Variants in LIG1 observed in about 807,000 individuals in gnomAD.
The protein encoded by LIG1 is DNA ligase 1.
A neutral mutation model predicts 115.7 loss-of-function variants in LIG1; 70 were observed. The ratio of observed to expected loss-of-function variants is 0.60; its 90% CI spans 0.50 to 0.74. The LOEUF (loss-of-function observed/expected upper bound fraction) is 0.74, where lower values mean the gene tolerates loss of function less well. LIG1 is among the 30% of genes least tolerant of loss of function. The pLI is 0.00. For synonymous variants in LIG1, 487 were observed against 495.3 expected, an observed-to-expected ratio of 0.98 and a Z score of 0.22; for missense variants, 1,115 against 1,225.6, an observed-to-expected ratio of 0.91 and a Z score of 1.35.
intron 22 of LIG1, 42 bp downstream of exon 22, chr19:48,123,132 C>T (rs3731009): frequency 0.012 from 19,864 of 1,613,776 alleles, 208 homozygotes; most frequent in Middle Eastern, 0.051. Flanking sequence ...CCGGGGTCAG[C>T]GCAAGCTGCA....
In LIG1 at chr19:48,154,757, C is replaced by T. The variant is rs992331679; in HGVS notation, c.371-790G>A. On this transcript the variant is annotated intron_variant, in intron 5 of 27. Coordinates refer to ENST00000263274, the MANE Select transcript of LIG1 (RefSeq NM_000234.3). ...ATTGCGCCACCTGGTCCCCGGTCTC[C>T]CGGCCCCCAGTGGCTCCTTCACGTG... Among the ~76,000 whole-genome samples the T allele has an allele frequency of 3.3e-5, 5 of 152,362 alleles. No individual in the cohort carries two copies. In the South Asian group the frequency reaches 1.0e-3, roughly 32 times the overall value.
intron 2 of LIG1, among the ~76,000 whole-genome samples, chr19:48,165,191 G>A (rs1775853493): frequency 6.6e-6 from 1 of 152,066 alleles, no homozygotes; most frequent in African/African-American, 2.4e-5. Context: ...CTCATGAGGC[G>A]GAGGTTGCAG....
chr19:48,127,353 G>C lies in LIG1; in HGVS notation c.1933-5C>G. 6.2e-7 allele frequency: 1 copy of C among 1,612,516 alleles called. No homozygotes were observed. The highest frequency in any genetic ancestry group is 8.5e-7 in the Non-Finnish European group (1 of 1,179,942). On this transcript the variant is annotated splice_polypyrimidine_tract_variant and splice_region_variant and intron_variant, in intron 20 of 27. Transcript: ENST00000263274. ...GATCTCAGACGCATCCACCTCCTGGGTTGGGGCACAACGGAGTTCGTGAGT... is the reference window on the plus strand; with the variant it reads ...GATCTCAGACGCATCCACCTCCTGGCTTGGGGCACAACGGAGTTCGTGAGT...
rs571042354 is a variant in LIG1 at position 48,134,198 on chromosome 19, C to A, written c.1524-132G>T. ...GCCCACTGAGTCACCACCTGCCAAG[C>A]TCCTCTTGCCACCCTGTCTCTGTGC... On this transcript the variant is annotated intron_variant, in intron 16 of 27. Transcript: ENST00000263274. 44 of 725,908 alleles carry A rather than the reference C, an allele frequency of 6.1e-5. No individual in the cohort carries two copies. The South Asian group carries it at 6.3e-4, about 10-fold the overall frequency. The allele number at this position is 725,908 out of a possible 1,614,324, so 45.0% of individuals were successfully genotyped here. A position where few individuals can be genotyped will look rare whatever the true frequency, so the allele number is the denominator to read the frequency against.
At chr19:48,164,519 T>A (rs1029868030) in intron 2 of LIG1, among the ~76,000 whole-genome samples, 4 of 152,194 alleles carry the variant, frequency 2.6e-5, no homozygotes, top group Non-Finnish European at 5.9e-5. Context: ...CCAGGCTGCA[T>A]CCCTGTGGCT....
intron 1 of LIG1, among the ~76,000 whole-genome samples, chr19:48,166,114 A>G (rs535654468): frequency 6.6e-6 from 1 of 152,356 alleles, no homozygotes; most frequent in East Asian, 1.9e-4. Flanking sequence ...GAAAGGCTAT[A>G]GGTCAGGCAC....
In LIG1 at chr19:48,149,953, G is replaced by A. The variant is rs3730909; in HGVS notation, c.698-112C>T. 2,809 of 1,552,116 alleles carry A rather than the reference G, an allele frequency of 1.8e-3. 35 individuals are homozygous for A. In the African/African-American group the frequency reaches 0.033, roughly 19 times the overall value. The stretch of plus-strand genomic sequence containing the variant: ...TGCTCAGGGAGATGGGAGACAGGCT[G>A]GTAGAGACAAGGCCGACTTTCCAAC... On this transcript the variant is annotated intron_variant, in intron 8 of 27. Coordinates refer to ENST00000263274, the MANE Select transcript of LIG1 (RefSeq NM_000234.3).
chr19:48,152,284 A>G (rs968492750), intron 6 of LIG1, among the ~76,000 whole-genome samples: 4 of 151,920 alleles, frequency 2.6e-5, no homozygotes, highest in Non-Finnish European at 4.4e-5. Context: ...CACCATACCC[A>G]GCTAATTTTT....
Position 48,137,226 on chromosome 19 carries a change from C to G in LIG1, c.1255-142G>C, listed in dbSNP as rs953362821. 3.8e-6 allele frequency: 3 copies of G among 793,598 alleles called. No individual in the cohort carries two copies. Among genetic ancestry groups the G allele is most frequent in the African/African-American group, 3.4e-5 (2 of 58,854 alleles). The allele number at this position is 793,598 out of a possible 1,614,324, so 49.2% of individuals were successfully genotyped here. A position where few individuals can be genotyped will look rare whatever the true frequency, so the allele number is the denominator to read the frequency against. On this transcript the variant is annotated intron_variant, in intron 13 of 27. Transcript: ENST00000263274. This position sits in a 1 kb window ranked among gnomAD's most constrained non-coding sequence, Gnocchi z 4.3. ...ATCCCCATGTCCCAGCTCCCATGGC[C>G]GCCCACTCTTAGGGCAGTAAGAACG...
At chr19:48,150,510 T>C (rs1206533001) in intron 7 of LIG1, among the ~76,000 whole-genome samples, 1 of 152,154 alleles carries the variant, frequency 6.6e-6, no homozygotes, top group Non-Finnish European at 1.5e-5. Context: ...GAAAATCAGA[T>C]ACAACTCTGT....
chr19:48,153,327 A>G (rs1268432558), intron 6 of LIG1, among the ~76,000 whole-genome samples: 2 of 152,098 alleles, frequency 1.3e-5, no homozygotes, highest in African/African-American at 2.4e-5. Flanking sequence ...AAAAATTACT[A>G]AGACATCAAG....
At chr19:48,170,034 T>C (rs559429367) in intron 1 of LIG1, 23 of 345,496 alleles carry the variant, frequency 6.7e-5, no homozygotes, top group South Asian at 4.6e-4. Flanking sequence ...ACCCTCTACC[T>C]GGCCCCCCTC....
At chr19:48,151,659 G>A (rs1303056147) in intron 6 of LIG1, among the ~76,000 whole-genome samples, 1 of 152,072 alleles carries the variant, frequency 6.6e-6, no homozygotes, top group Non-Finnish European at 1.5e-5. Context: ...TTGAACTACT[G>A]ACCTCAGGTG....
At chr19:48,145,031 T>C (rs1222631935) in intron 9 of LIG1, among the ~76,000 whole-genome samples, 1 of 152,166 alleles carries the variant, frequency 6.6e-6, no homozygotes. Context: ...CCTCAGCTTC[T>C]TGAGTAGCTA....
Position 48,140,031 on chromosome 19 carries a change from G to C in LIG1, c.1027C>G (p.Gln343Glu). 1 of 1,614,136 alleles carries C rather than the reference G, an allele frequency of 6.2e-7. No homozygotes were observed. The highest frequency in any genetic ancestry group is 1.1e-5 in the South Asian group (1 of 91,092). The change falls in exon 12 of 28, where the codon CAG becomes GAG. Residue 343 changes from glutamine (Q) to glutamate (E), a missense_variant. Transcript: ENST00000263274. ...TCACCCACGCCAAGCTCCAGGCCCT[G>C]CTGGGGTGGCCCAAGGTGGTTGAGG... ...LSLNHLGPPQ[Q>E]GLELGVGDGV...
chr19:48,138,479 C>T (rs1471998740), intron 12 of LIG1, among the ~76,000 whole-genome samples: 2 of 152,232 alleles, frequency 1.3e-5, no homozygotes, highest in African/African-American at 4.8e-5. Context: ...GTGGGCCTCG[C>T]GCCTGAAGCG....
intron 14 of LIG1, 40 bp from the exon 15 acceptor site, chr19:48,136,165 C>T: frequency 6.9e-7 from 1 of 1,456,278 alleles, no homozygotes; most frequent in Non-Finnish European, 9.4e-7. Context: ...CTTGTCTGCA[C>T]CTCCCCAATC....
At chr19:48,143,679 G>A (rs2034929685) in intron 10 of LIG1, 80 bp from the exon 11 acceptor site, 17 of 1,282,854 alleles carry the variant, frequency 1.3e-5, no homozygotes, top group Admixed American at 3.4e-5. Context: ...GCTTCCTCAC[G>A]CCTCCTCGGG....
chr19:48,157,357 G>A (rs1245687222), intron 4 of LIG1, among the ~76,000 whole-genome samples: 1 of 152,034 alleles, frequency 6.6e-6, no homozygotes, highest in Non-Finnish European at 1.5e-5. Flanking sequence ...TAGCTCTTCT[G>A]TTTTCTACAG....
Sources: gnomAD v4.1 joint callset for allele counts (sites outside exome capture counted in the v4.1 genomes callset) on GRCh38, gnomAD v4.1.1 for gene constraint, Gnocchi (gnomAD v3.1) non-coding constraint, MANE v1.5 for transcripts, NCBI Gene and HGNC (gene_info 2026-07-23, HGNC 2026-07-21) for gene names.